The following ANTXR1 variants were observed in gnomAD, a reference collection of about 807,000 sequenced individuals.
ANTXR1 encodes ANTXR cell adhesion molecule 1, also known as anthrax toxin receptor 1.
In ANTXR1, 19 loss-of-function variants were observed where a neutral mutation model predicts 78.1. The ratio of observed to expected loss-of-function variants is 0.24; its 90% CI spans 0.17 to 0.36. The LOEUF (loss-of-function observed/expected upper bound fraction) is 0.36. Ranked by LOEUF, ANTXR1 falls within the 10% of genes least tolerant of loss-of-function variation. The pLI is 1.00. For missense variants in ANTXR1, 518 were observed against 718.6 expected, an observed-to-expected ratio of 0.72 and a Z score of 3.19; for synonymous variants, 273 against 260.5, an observed-to-expected ratio of 1.05 and a Z score of -0.46.
At chr2:69,145,946 C>T (rs548443944) in intron 12 of ANTXR1, 48 of 985,560 alleles carry the variant, frequency 4.9e-5, no homozygotes, top group Non-Finnish European at 5.7e-5. Flanking sequence ...CAAATGTATA[C>T]CTTTGAGAAC....
chr2:69,134,850 T>C (rs913411885), intron 12 of ANTXR1: 1 of 187,590 alleles, frequency 5.3e-6, no homozygotes, highest in Non-Finnish European at 1.2e-5. Context: ...ACACACCCTG[T>C]AATTTACAAA....
In ANTXR1 at chr2:69,245,737, A is replaced by G; in HGVS notation, c.*252A>G. On this transcript the variant is annotated 3_prime_UTR_variant, in exon 18 of 18. Coordinates refer to ENST00000303714, the MANE Select transcript of ANTXR1 (RefSeq NM_032208.3). Reference sequence around the variant, plus strand: ...CCATCTATCACCTCTAGAAGGTTCCAGAGACAGTGAAACTGCAAGATGCTC... The same window carrying G: ...CCATCTATCACCTCTAGAAGGTTCCGGAGACAGTGAAACTGCAAGATGCTC... The G allele has an allele frequency of 2.1e-6, 1 of 485,798 alleles. No individual in the cohort carries two copies. Among genetic ancestry groups the G allele is most frequent in the Non-Finnish European group, 3.6e-6 (1 of 275,758 alleles). 30.1% of individuals were successfully genotyped at this position (485,798 alleles called of 1,614,324 possible). A position where few individuals can be genotyped will look rare whatever the true frequency, so the allele number is the denominator to read the frequency against.
intron 1 of ANTXR1, among the ~76,000 whole-genome samples, chr2:69,023,500 G>A (rs66686620): frequency 0.24 from 34,407 of 141,826 alleles, 4,931 homozygotes; most frequent in East Asian, 0.69. Context: ...TGATATGGTG[G>A]TGGTGGTGGA....
At chr2:69,142,004 A>G (rs762661582) in intron 12 of ANTXR1, among the ~76,000 whole-genome samples, 6 of 152,246 alleles carry the variant, frequency 3.9e-5, no homozygotes, top group Admixed American at 1.3e-4. Flanking sequence ...GTTTTAGTGT[A>G]TGTCTTTAAA....
intron 17 of ANTXR1, among the ~76,000 whole-genome samples, chr2:69,225,372 C>T (rs899178911): frequency 3.3e-5 from 5 of 152,178 alleles, no homozygotes; most frequent in East Asian, 1.9e-4. Context: ...CCCAGCTACT[C>T]GGGAGGCCAA....
At chr2:69,032,109 A>G (rs866647769) in intron 1 of ANTXR1, among the ~76,000 whole-genome samples, 1 of 152,278 alleles carries the variant, frequency 6.6e-6, no homozygotes, top group South Asian at 2.1e-4. Flanking sequence ...TTATAAAGTT[A>G]TAATTGTACA....
intron 10 of ANTXR1, among the ~76,000 whole-genome samples, chr2:69,112,064 A>G (rs1672002161): frequency 6.6e-6 from 1 of 152,186 alleles, no homozygotes. Flanking sequence ...ATGAAATGCC[A>G]TTTTGTGTAA....
Position 69,193,323 on chromosome 2 carries a change from G to A in ANTXR1, c.1354-12G>A. 6.2e-7 allele frequency: 1 copy of A among 1,613,662 alleles called. No individual in the cohort carries two copies. The highest frequency in any genetic ancestry group is 8.5e-7 in the Non-Finnish European group (1 of 1,179,664). ...TTTCATATGTAATCTTGGTGCATTTGTTTTATTTCAGGGAAAACTCGATGC... is the reference window on the plus strand; with the variant it reads ...TTTCATATGTAATCTTGGTGCATTTATTTTATTTCAGGGAAAACTCGATGC... On this transcript the variant is annotated splice_polypyrimidine_tract_variant and intron_variant, in intron 16 of 17. Transcript: ENST00000303714.
intron 1 of ANTXR1, among the ~76,000 whole-genome samples, chr2:69,033,217 C>A (rs1340992836): frequency 6.6e-6 from 1 of 152,128 alleles, no homozygotes; most frequent in Non-Finnish European, 1.5e-5. Context: ...AGGTTTGGGT[C>A]TGTATTGATG....
At chr2:69,090,683 G>A in intron 8 of ANTXR1, 176 bp from the exon 9 acceptor site, 1 of 652,288 alleles carries the variant, frequency 1.5e-6, no homozygotes, top group Non-Finnish European at 2.8e-6. Context: ...GCACAATCTG[G>A]CTTAATAAAT....
intron 13 of ANTXR1, among the ~76,000 whole-genome samples, chr2:69,158,180 G>A (rs1164682810): frequency 6.6e-6 from 1 of 152,220 alleles, no homozygotes; most frequent in South Asian, 2.1e-4. Context: ...GCTGCTCAGT[G>A]TATCTCAAAG....
chr2:69,202,201 G>A (rs959868119), intron 17 of ANTXR1, among the ~76,000 whole-genome samples: 11 of 152,158 alleles, frequency 7.2e-5, no homozygotes, highest in African/African-American at 2.4e-4. Flanking sequence ...AAGAAATAGA[G>A]CAAGAAGACG....
chr2:69,127,510 A>G (rs1035887776), intron 12 of ANTXR1, among the ~76,000 whole-genome samples: 2 of 152,082 alleles, frequency 1.3e-5, no homozygotes, highest in African/African-American at 2.4e-5. Context: ...GGGTTGTGGA[A>G]GGACTTTGGC....
intron 1 of ANTXR1, among the ~76,000 whole-genome samples, chr2:69,030,674 T>A (rs1671504293): frequency 6.6e-6 from 1 of 152,194 alleles, no homozygotes; most frequent in Admixed American, 6.5e-5. Flanking sequence ...TTTTGAACCC[T>A]ATACCCTACA....
chr2:69,171,737 A>G lies in ANTXR1; in HGVS notation c.1089+1448A>G, dbSNP rs576085782. ...ACATCTAGCCTAGGGTTGCACACACAGTACAAGCTCAGCAGGGACTTTTAG... is the reference window on the plus strand; with the variant it reads ...ACATCTAGCCTAGGGTTGCACACACGGTACAAGCTCAGCAGGGACTTTTAG... On this transcript the variant is annotated intron_variant, in intron 14 of 17. Coordinates refer to ENST00000303714, the MANE Select transcript of ANTXR1 (RefSeq NM_032208.3). Among the ~76,000 whole-genome samples the G allele has an allele frequency of 3.3e-5, 5 of 152,344 alleles. No homozygotes were observed. In the East Asian group the frequency reaches 7.7e-4, roughly 24 times the overall value.
At chr2:69,159,881 T>C (rs1291538563) in intron 13 of ANTXR1, among the ~76,000 whole-genome samples, 1 of 152,140 alleles carries the variant, frequency 6.6e-6, no homozygotes, top group African/African-American at 2.4e-5. Context: ...AGGGCAAAAA[T>C]TAATCAAAAA....
At chr2:69,073,866 G>A (rs1201446564) in intron 6 of ANTXR1, among the ~76,000 whole-genome samples, 1 of 152,182 alleles carries the variant, frequency 6.6e-6, no homozygotes, top group African/African-American at 2.4e-5. Flanking sequence ...GGTTCATTCA[G>A]GCCCAAGGTA....
chr2:69,185,974 C>T (rs1158970690), intron 16 of ANTXR1, among the ~76,000 whole-genome samples: 2 of 152,120 alleles, frequency 1.3e-5, no homozygotes, highest in South Asian at 2.1e-4. Flanking sequence ...CATACATAGC[C>T]GTTGGTGTGA....
intron 14 of ANTXR1, among the ~76,000 whole-genome samples, chr2:69,173,710 CCAATAT>C (rs1414711165): frequency 2.6e-5 from 4 of 152,202 alleles, no homozygotes; most frequent in African/African-American, 4.8e-5. Flanking sequence ...CCTATCGTTC[CCAATAT>C]CAAGCATATT....
Sources: allele counts gnomAD v4.1 joint callset (sites outside exome capture counted in the v4.1 genomes callset), GRCh38; gene constraint gnomAD v4.1.1; transcripts MANE v1.5; gene names NCBI Gene and HGNC (gene_info 2026-07-23, HGNC 2026-07-21).